MIB1: variants seen among roughly 807,000 people sequenced by gnomAD.
The protein encoded by MIB1 is MIB E3 ubiquitin protein ligase 1.
A neutral mutation model predicts 124.5 loss-of-function variants in MIB1; 278 were observed. The observed-to-expected ratio is 2.23, with a 90% CI of 2.02 to 2.47. The LOEUF (loss-of-function observed/expected upper bound fraction) is 2.47, where lower values mean the gene tolerates loss of function less well. MIB1 is among the 30% of genes most tolerant of loss of function. MIB1 has a pLI of 0.00. For synonymous variants in MIB1, 446 were observed against 429.4 expected (o/e 1.04, Z -0.48); for missense variants, 957 against 1,254.4 (o/e 0.76, Z 3.58).
intron 1 of MIB1, among the ~76,000 whole-genome samples, chr18:21,757,238 G>A (rs1410083718): frequency 6.6e-6 from 1 of 151,560 alleles, no homozygotes; most frequent in Non-Finnish European, 1.5e-5. Context: ...GATCGCTTGG[G>A]GTCAGGAGTT....
chr18:21,714,960 T>C (rs2146354695), intron 1 of MIB1, among the ~76,000 whole-genome samples: 1 of 152,316 alleles, frequency 6.6e-6, no homozygotes, highest in Admixed American at 6.5e-5. Context: ...TGGAGGATCA[T>C]GGCAGACAGG....
chr18:21,739,510 C>T (rs1598584604), upstream of MIB1, among the ~76,000 whole-genome samples: 2 of 152,136 alleles, frequency 1.3e-5, no homozygotes, highest in East Asian at 3.8e-4. Flanking sequence ...AAATTTCAGG[C>T]CAATATCCCT....
At chr18:21,731,504 C>T (rs191428410) in intron 1 of MIB1, among the ~76,000 whole-genome samples, 1 of 152,090 alleles carries the variant, frequency 6.6e-6, no homozygotes, top group Non-Finnish European at 1.5e-5. Context: ...GAAGCCGAGG[C>T]GGGTGGATCA....
chr18:21,837,037 C>T (rs1006410453), intron 12 of MIB1, among the ~76,000 whole-genome samples: 1 of 152,152 alleles, frequency 6.6e-6, no homozygotes, highest in Admixed American at 6.5e-5. Context: ...TTTGTAGACT[C>T]ACCCAAAATT....
chr18:21,795,814 T>G (rs1218002539), intron 7 of MIB1, among the ~76,000 whole-genome samples: 1 of 152,174 alleles, frequency 6.6e-6, no homozygotes, highest in Non-Finnish European at 1.5e-5. Context: ...TTAACACTTT[T>G]CAGAAATCTT....
chr18:21,757,525 C>T (rs528640223), intron 1 of MIB1, among the ~76,000 whole-genome samples: 53 of 139,668 alleles, frequency 3.8e-4, no homozygotes, highest in Non-Finnish European at 7.4e-4. Context: ...TACTCTGTCT[C>T]CCAGGCTGGA....
chr18:21,789,193 G>C (rs2041472886), intron 6 of MIB1, among the ~76,000 whole-genome samples: 1 of 152,042 alleles, frequency 6.6e-6, no homozygotes, highest in Non-Finnish European at 1.5e-5. Flanking sequence ...CTTTCTCCCA[G>C]CTTCTGGTGG....
chr18:21,815,626 G>T lies in MIB1; in HGVS notation c.1490G>T (p.Gly497Val), dbSNP rs1336438520. Reference protein sequence around the residue: ...NVDVEAEDKDGDRAVHHAAFG... With the variant: ...NVDVEAEDKDVDRAVHHAAFG... ...AATACTAATGATTAGGATAAAGATG[G>T]TGATAGAGCAGTTCACCATGCAGCT... The change falls in exon 11 of 21, where the codon GGT becomes GTT. Residue 497 changes from glycine (G) to valine (V), a missense_variant. Transcript: ENST00000261537. 6.2e-7 allele frequency: 1 copy of T among 1,613,832 alleles called. No individual in the cohort carries two copies. Among genetic ancestry groups the T allele is most frequent in the East Asian group, 2.2e-5 (1 of 44,870 alleles).
At chr18:21,795,493 G>A (rs879941331) in intron 7 of MIB1, among the ~76,000 whole-genome samples, 2 of 149,766 alleles carry the variant, frequency 1.3e-5, no homozygotes. Flanking sequence ...ACAAATAAGC[G>A]TTACCTATAT....
chr18:21,735,083 C>A (rs2040790096), intron 1 of MIB1, among the ~76,000 whole-genome samples: 1 of 152,212 alleles, frequency 6.6e-6, no homozygotes, highest in Non-Finnish European at 1.5e-5. Context: ...ATTTTAAGAA[C>A]TTGCTGGCTG....
intron 1 of MIB1, among the ~76,000 whole-genome samples, chr18:21,715,609 T>TA (rs200532248): frequency 3.7e-4 from 54 of 146,872 alleles, no homozygotes; most frequent in East Asian, 1.2e-3. Flanking sequence ...TTAAGGAAAT[T>TA]AAAAAAAAAA....
chr18:21,765,927 A>G lies in MIB1; in HGVS notation c.385A>G (p.Thr129Ala), dbSNP rs1404089443. 1.9e-6 allele frequency: 3 copies of G among 1,614,094 alleles called. No individual in the cohort carries two copies. Among genetic ancestry groups the G allele is most frequent in the Non-Finnish European group, 2.5e-6 (3 of 1,179,930 alleles). The change falls in exon 2 of 21, where the codon ACA becomes GCA. Residue 129 changes from threonine to alanine, a missense_variant. By Grantham distance (58) the Thr-to-Ala change is moderately conservative. Coordinates refer to ENST00000261537, the MANE Select transcript of MIB1 (RefSeq NM_020774.4). Reference sequence around the variant, plus strand: ...AAGACATCGCTTTTACCGAATTACTACACCGGGAAGTGAGAGGTAGGGAGA... The same window carrying G: ...AAGACATCGCTTTTACCGAATTACTGCACCGGGAAGTGAGAGGTAGGGAGA... ...HLRHRFYRIT[T>A]PGSERVLLES...
intron 1 of MIB1, among the ~76,000 whole-genome samples, chr18:21,720,008 T>G (rs1014935901): frequency 2.0e-5 from 3 of 152,112 alleles, no homozygotes; most frequent in Admixed American, 1.3e-4. Flanking sequence ...TTATAAGACG[T>G]TTTGCAGAAA....
rs1416715396 is a variant in MIB1, at chr18:21,843,228, G to C, written c.2049+11G>C. 1.3e-6 allele frequency: 2 copies of C among 1,544,954 alleles called. No homozygotes were observed. The highest frequency in any genetic ancestry group is 8.7e-7 in the Non-Finnish European group (1 of 1,147,824). On this transcript the variant is annotated intron_variant, in intron 14 of 20. Coordinates refer to ENST00000261537, the MANE Select transcript of MIB1 (RefSeq NM_020774.4). ...ACCCAGATTGTTAGGGTAAAGTATT[G>C]ACATACATTTTAGCTTATAATTACA...
intron 10 of MIB1, among the ~76,000 whole-genome samples, chr18:21,810,086 T>C (rs948883795): frequency 9.2e-5 from 14 of 152,118 alleles, no homozygotes; most frequent in African/African-American, 3.1e-4. Flanking sequence ...ATGAACAGTC[T>C]GTTAATTGAA....
chr18:21,861,521 A>G (rs1055408985), intron 20 of MIB1, among the ~76,000 whole-genome samples: 1 of 152,048 alleles, frequency 6.6e-6, no homozygotes, highest in Non-Finnish European at 1.5e-5. Context: ...TTAGCATTCT[A>G]CCCAAGTTTA....
chr18:21,706,592 C>G (rs1479997591), intron 1 of MIB1, among the ~76,000 whole-genome samples: 2 of 152,038 alleles, frequency 1.3e-5, no homozygotes, highest in Non-Finnish European at 2.9e-5. Context: ...GGTGTGGGCT[C>G]GGCGGGCCCT....
At chr18:21,785,649 C>T (rs147028874) in intron 6 of MIB1, among the ~76,000 whole-genome samples, 44 of 152,238 alleles carry the variant, frequency 2.9e-4, no homozygotes, top group African/African-American at 9.4e-4. Flanking sequence ...GGTGATTACA[C>T]GTAATTGTAG....
chr18:21,749,242 T>C (rs9951337), intron 1 of MIB1, among the ~76,000 whole-genome samples: 4,962 of 152,302 alleles, frequency 0.033, 113 homozygotes, highest in East Asian at 0.069. Context: ...CATATAGGTA[T>C]GCCATATGTA....
Sources: allele counts gnomAD v4.1 joint callset (sites outside exome capture counted in the v4.1 genomes callset), GRCh38; gene constraint gnomAD v4.1.1; transcripts MANE v1.5; gene names NCBI Gene and HGNC (gene_info 2026-07-23, HGNC 2026-07-21).